The following KHDRBS2 variants were observed in gnomAD, a reference collection of about 807,000 sequenced individuals.
KHDRBS2 encodes the protein KH domain-containing, RNA-binding, signal transduction-associated protein 2.
Under a neutral mutation model 44.3 loss-of-function variants are expected in KHDRBS2, and 26 were observed. That is an observed-to-expected ratio of 0.59 (90% CI 0.43 to 0.81). KHDRBS2 has a LOEUF of 0.81. KHDRBS2 is among the 40% of genes least tolerant of loss of function. The probability of loss-of-function intolerance (pLI) is 0.00; values close to 1 mark genes in which losing one functional copy is unlikely to be tolerated. For missense variants in KHDRBS2, 476 were observed against 433.1 expected (o/e 1.10, Z -0.88); for synonymous variants, 194 against 151.1 (o/e 1.28, Z -2.08).
the KHDRBS2 span, among the ~76,000 whole-genome samples, chr6:61,602,347 A>G: frequency 6.6e-6 from 1 of 152,112 alleles, no homozygotes; most frequent in Non-Finnish European, 1.5e-5. Flanking sequence ...GCATTCCTCC[A>G]GGACCGCCTA....
At chr6:62,281,671 T>A (rs987783846) in intron 1 of KHDRBS2, among the ~76,000 whole-genome samples, 6 of 152,138 alleles carry the variant, frequency 3.9e-5, no homozygotes, top group Non-Finnish European at 8.8e-5. Context: ...ATCACAAGCA[T>A]CACAAGCAGA....
At chr6:61,792,807 G>A (rs567758780) in intron 6 of KHDRBS2, among the ~76,000 whole-genome samples, 61 of 151,848 alleles carry the variant, frequency 4.0e-4, no homozygotes, top group Admixed American at 2.6e-3. Context: ...AGAAAGACTC[G>A]GTATCAGAGA....
the KHDRBS2 span, among the ~76,000 whole-genome samples, chr6:61,652,906 A>G: frequency 6.6e-6 from 1 of 152,120 alleles, no homozygotes; most frequent in African/African-American, 2.4e-5. Context: ...GTGAGGAGAT[A>G]TAAAAGAAAA....
chr6:61,676,924 T>G (rs572176336), downstream of KHDRBS2, among the ~76,000 whole-genome samples: 2 of 151,990 alleles, frequency 1.3e-5, no homozygotes, highest in African/African-American at 4.8e-5. Context: ...GTAGAAGTCT[T>G]TTATATCTAC....
At chr6:62,107,152 T>C (rs1393962466) in intron 2 of KHDRBS2, among the ~76,000 whole-genome samples, 5 of 151,928 alleles carry the variant, frequency 3.3e-5, no homozygotes, top group African/African-American at 1.2e-4. Flanking sequence ...GAAGTCAAAT[T>C]GTCCCTGTTT....
the KHDRBS2 span, among the ~76,000 whole-genome samples, chr6:61,651,353 A>G: frequency 1.1e-3 from 160 of 152,180 alleles, no homozygotes; most frequent in African/African-American, 3.7e-3. Context: ...TAAACATGAA[A>G]TTTATTTATG....
intron 8 of KHDRBS2, 54 bp downstream of exon 8, chr6:61,697,141 T>A: frequency 9.1e-7 from 1 of 1,098,174 alleles, no homozygotes. Context: ...GTTTGAATTG[T>A]CGGTGACTGA....
At chr6:61,932,741 C>T (rs901810975) in intron 4 of KHDRBS2, among the ~76,000 whole-genome samples, 2 of 151,956 alleles carry the variant, frequency 1.3e-5, no homozygotes, top group African/African-American at 4.8e-5. Flanking sequence ...TGCAGTGAGC[C>T]GAGATCAGGC....
At chr6:61,807,460 A>C (rs1174307312) in intron 6 of KHDRBS2, among the ~76,000 whole-genome samples, 9 of 152,168 alleles carry the variant, frequency 5.9e-5, no homozygotes, top group Non-Finnish European at 1.0e-4. Flanking sequence ...AAAATGTGGT[A>C]CATATACATC....
chr6:61,596,430 T>A, the KHDRBS2 span, among the ~76,000 whole-genome samples: 6 of 152,174 alleles, frequency 3.9e-5, no homozygotes, highest in Non-Finnish European at 7.3e-5. Flanking sequence ...TCAAATTATA[T>A]AGAAATATCA....
the KHDRBS2 span, among the ~76,000 whole-genome samples, chr6:61,591,135 G>T: frequency 6.6e-6 from 1 of 152,268 alleles, no homozygotes; most frequent in African/African-American, 2.4e-5. Context: ...GTGCTTCAGG[G>T]ACTTGCACTT....
chr6:61,786,651 A>C (rs1783861398), intron 6 of KHDRBS2, among the ~76,000 whole-genome samples: 1 of 152,006 alleles, frequency 6.6e-6, no homozygotes, highest in South Asian at 2.1e-4. Flanking sequence ...GATCAGGCAG[A>C]TTTTACGACC....
rs543009233 is a variant in KHDRBS2, at chr6:62,014,233, T to A, written c.336+33645A>T. Reference sequence around the variant, plus strand: ...CTAAATTTTTTCAGTCTACAATATATTAGTTTCAAATGTCTTTGATAAGAA... The same window carrying A: ...CTAAATTTTTTCAGTCTACAATATAATAGTTTCAAATGTCTTTGATAAGAA... On this transcript the variant is annotated intron_variant, in intron 3 of 8. Transcript: ENST00000281156. Among the ~76,000 whole-genome samples the A allele has an allele frequency of 2.1e-3, 321 of 152,318 alleles. 1 individual carries two copies. The highest frequency in any genetic ancestry group is 7.3e-3 in the African/African-American group (302 of 41,592).
At position 61,747,171 on chromosome 6, in the gene KHDRBS2, AG is replaced by A. The variant is rs138273597; in HGVS notation, c.811-14408del. Among the ~76,000 whole-genome samples the A allele has an allele frequency of 1.4e-3, 208 of 152,312 alleles. 2 individuals are homozygous for A. The highest frequency in any genetic ancestry group is 4.8e-3 in the African/African-American group (200 of 41,578). On this transcript the variant is annotated intron_variant, in intron 6 of 8. Transcript: ENST00000281156. Reference sequence around the variant, plus strand: ...TCTTTGTGTTTTATATTGCTATTTTAGGACATGAGAAACCAAAGCTTAAAAT... The same window carrying A: ...TCTTTGTGTTTTATATTGCTATTTTAGACATGAGAAACCAAAGCTTAAAAT...
chr6:61,930,177 G>A (rs1809743621), intron 4 of KHDRBS2, among the ~76,000 whole-genome samples: 1 of 152,084 alleles, frequency 6.6e-6, no homozygotes, highest in South Asian at 2.1e-4. Context: ...GAAGCAGAGA[G>A]CTGACTCTAC....
chr6:62,119,032 T>C (rs1426691515), intron 2 of KHDRBS2, among the ~76,000 whole-genome samples: 1 of 152,188 alleles, frequency 6.6e-6, no homozygotes, highest in African/African-American at 2.4e-5. Flanking sequence ...TAGAGAATCC[T>C]AATACAGATT....
At chr6:62,108,465 G>A (rs1241789349) in intron 2 of KHDRBS2, among the ~76,000 whole-genome samples, 1 of 152,150 alleles carries the variant, frequency 6.6e-6, no homozygotes, top group Non-Finnish European at 1.5e-5. Context: ...TGGAGAGGAT[G>A]TGGAGAAATA....
At chr6:61,811,349 C>T (rs1221834419) in intron 6 of KHDRBS2, among the ~76,000 whole-genome samples, 1 of 152,052 alleles carries the variant, frequency 6.6e-6, no homozygotes, top group East Asian at 1.9e-4. Flanking sequence ...TCCAATCCAC[C>T]ACTGATGGGC....
intron 1 of KHDRBS2, among the ~76,000 whole-genome samples, chr6:62,271,347 A>G (rs961242523): frequency 2.6e-5 from 4 of 152,192 alleles, no homozygotes; most frequent in Admixed American, 2.0e-4. Context: ...TGCCGGTGTT[A>G]GCAAACCTAC....
Sources: gnomAD v4.1 joint callset for allele counts (sites outside exome capture counted in the v4.1 genomes callset) on GRCh38, gnomAD v4.1.1 for gene constraint, MANE v1.5 for transcripts, NCBI Gene and HGNC (gene_info 2026-07-23, HGNC 2026-07-21) for gene names.